Variants in DPYD observed in about 807,000 individuals in gnomAD.
DPYD encodes the protein dihydropyrimidine dehydrogenase.
A neutral mutation model predicts 116.2 loss-of-function variants in DPYD; 109 were observed. The ratio of observed to expected loss-of-function variants is 0.94; its 90% CI spans 0.80 to 1.10. The LOEUF is 1.10. DPYD is among the 50% of genes least tolerant of loss of function. The pLI is 0.00. For synonymous variants in DPYD, 440 were observed against 432.0 expected (o/e 1.02, Z -0.23); for missense variants, 1,302 against 1,254.5 (o/e 1.04, Z -0.57).
chr1:97,186,084 G>A (rs1042463143), intron 20 of DPYD, among the ~76,000 whole-genome samples: 2 of 152,066 alleles, frequency 1.3e-5, no homozygotes, highest in African/African-American at 2.4e-5. Context: ...TTTTGGTAAG[G>A]GTCTTGCTGT....
At chr1:97,703,152 T>G (rs891382159) in intron 5 of DPYD, among the ~76,000 whole-genome samples, 1 of 152,036 alleles carries the variant, frequency 6.6e-6, no homozygotes. Context: ...CTTTACAACT[T>G]TTTATTGCAC....
chr1:97,529,872 T>C (rs1170392470), intron 12 of DPYD, among the ~76,000 whole-genome samples: 1 of 150,960 alleles, frequency 6.6e-6, no homozygotes, highest in Non-Finnish European at 1.5e-5. Context: ...CCTTTCCTTC[T>C]TTCCTCTTTC....
chr1:97,413,469 G>A (rs1001425637), intron 14 of DPYD, among the ~76,000 whole-genome samples: 1 of 151,926 alleles, frequency 6.6e-6, no homozygotes, highest in East Asian at 1.9e-4. Flanking sequence ...TTGTTTTTTT[G>A]TTTGTTTGTT....
chr1:97,806,463 C>G (rs977010561), intron 3 of DPYD, among the ~76,000 whole-genome samples: 2 of 151,806 alleles, frequency 1.3e-5, no homozygotes, highest in East Asian at 1.9e-4. Context: ...TCTTTTGGGA[C>G]ATTTTTTACT....
At chr1:97,500,956 G>A (rs955584951) in intron 13 of DPYD, among the ~76,000 whole-genome samples, 8 of 151,998 alleles carry the variant, frequency 5.3e-5, no homozygotes, top group Admixed American at 6.6e-5. Context: ...TTAACCATCA[G>A]CTTAATTAGA....
intron 12 of DPYD, chr1:97,546,312 A>T (rs577065592): frequency 2.8e-6 from 4 of 1,433,036 alleles, no homozygotes; most frequent in Non-Finnish European, 3.9e-6. Context: ...TACCACAGTC[A>T]AAGCAACAGA....
chr1:97,244,208 A>G (rs1662562573), intron 18 of DPYD, among the ~76,000 whole-genome samples: 1 of 152,030 alleles, frequency 6.6e-6, no homozygotes, highest in Non-Finnish European at 1.5e-5. Flanking sequence ...TGTCATCTTC[A>G]GATAATTAGC....
At chr1:97,728,174 G>C (rs1557913358) in intron 4 of DPYD, among the ~76,000 whole-genome samples, 1 of 151,838 alleles carries the variant, frequency 6.6e-6, no homozygotes, top group Non-Finnish European at 1.5e-5. Flanking sequence ...AAAATCTAAA[G>C]ACAAAAATAA....
chr1:97,751,888 G>A (rs911217020), intron 3 of DPYD, among the ~76,000 whole-genome samples: 34 of 151,192 alleles, frequency 2.2e-4, no homozygotes, highest in African/African-American at 7.3e-4. Context: ...TCAGCCTCCC[G>A]AGTAGCTGAG....
At chr1:97,602,306 A>C (rs2102280946) in intron 8 of DPYD, among the ~76,000 whole-genome samples, 1 of 152,124 alleles carries the variant, frequency 6.6e-6, no homozygotes, top group African/African-American at 2.4e-5. Context: ...TGTAGAAAAC[A>C]CACAAATTCT....
intron 19 of DPYD, among the ~76,000 whole-genome samples, chr1:97,204,742 T>C (rs1659475461): frequency 6.6e-6 from 1 of 152,162 alleles, no homozygotes; most frequent in African/African-American, 2.4e-5. Flanking sequence ...CACTTGTCCC[T>C]GTGGAATGCA....
chr1:97,726,417 T>C (rs1663264586), intron 4 of DPYD, among the ~76,000 whole-genome samples: 1 of 151,628 alleles, frequency 6.6e-6, no homozygotes. Flanking sequence ...AATCAGTCTA[T>C]TCCTAAGCAA....
rs542510436 is a variant in DPYD, at chr1:97,698,696, A to G, written c.680+655T>C. On this transcript the variant is annotated intron_variant, in intron 6 of 22. Transcript: ENST00000370192. ...ACCATCCAAATTCTTTATTTTGTATAAAATGTTTTAAGCAATATCTATTCC... is the reference window on the plus strand; with the variant it reads ...ACCATCCAAATTCTTTATTTTGTATGAAATGTTTTAAGCAATATCTATTCC... Among the ~76,000 whole-genome samples the G allele has an allele frequency of 3.3e-5, 5 of 152,062 alleles. No individual in the cohort carries two copies. In the South Asian group the frequency reaches 6.2e-4, roughly 19 times the overall value.
intron 16 of DPYD, among the ~76,000 whole-genome samples, chr1:97,371,204 A>C (rs1671294187): frequency 6.6e-6 from 1 of 152,176 alleles, no homozygotes; most frequent in Non-Finnish European, 1.5e-5. Context: ...AGGAGAAAAA[A>C]ATCAAGTATT....
intron 6 of DPYD, among the ~76,000 whole-genome samples, chr1:97,697,709 A>T (rs1435977590): frequency 6.6e-6 from 1 of 152,058 alleles, no homozygotes; most frequent in Non-Finnish European, 1.5e-5. Flanking sequence ...AATAAATTTA[A>T]AAAAAACAAG....
chr1:97,702,330 T>C (rs1571215294), intron 5 of DPYD, among the ~76,000 whole-genome samples: 1 of 151,702 alleles, frequency 6.6e-6, no homozygotes, highest in Non-Finnish European at 1.5e-5. Context: ...TTAAAACATA[T>C]GTTTAACGTG....
intron 5 of DPYD, among the ~76,000 whole-genome samples, chr1:97,711,446 A>G (rs1001181356): frequency 3.3e-5 from 5 of 151,948 alleles, no homozygotes; most frequent in African/African-American, 1.2e-4. Flanking sequence ...AAGTAGGTGA[A>G]TGAGTATTTG....
chr1:97,125,780 G>A (rs569087412), intron 20 of DPYD, among the ~76,000 whole-genome samples: 15 of 152,072 alleles, frequency 9.9e-5, no homozygotes, highest in Middle Eastern at 3.4e-3. Context: ...GGCTGTTTAG[G>A]AACCAGATAA....
At chr1:97,163,017 C>G (rs1236860528) in intron 20 of DPYD, among the ~76,000 whole-genome samples, 59 of 151,372 alleles carry the variant, frequency 3.9e-4, no homozygotes, top group Admixed American at 1.3e-4. Flanking sequence ...AGACCTAAAA[C>G]CATAAAAACC....
Sources: allele counts gnomAD v4.1 joint callset (sites outside exome capture counted in the v4.1 genomes callset), GRCh38; gene constraint gnomAD v4.1.1; transcripts MANE v1.5; gene names NCBI Gene and HGNC (gene_info 2026-07-23, HGNC 2026-07-21).